TENM2: variants seen among roughly 807,000 people sequenced by gnomAD.
TENM2 encodes the protein teneurin-2.
In TENM2, 52 loss-of-function variants were observed where a neutral mutation model predicts 245.2. The observed-to-expected ratio is 0.21, with a 90% CI of 0.17 to 0.27. The LOEUF (loss-of-function observed/expected upper bound fraction) is 0.27, where lower values mean the gene tolerates loss of function less well. TENM2 is among the 10% of genes least tolerant of loss of function. TENM2 has a pLI of 1.00. For missense variants in TENM2, 3,046 were observed against 3,666.8 expected, an observed-to-expected ratio of 0.83 and a Z score of 4.37; for synonymous variants, 1,363 against 1,438.9, an observed-to-expected ratio of 0.95 and a Z score of 1.19.
Position 168,051,249 on chromosome 5 carries a change from T to G in TENM2, c.1309+3700T>G, listed in dbSNP as rs375469625. Among the ~76,000 whole-genome samples, 5 of 152,328 alleles carry G rather than the reference T, an allele frequency of 3.3e-5. No homozygotes were observed. In the South Asian group the frequency reaches 8.3e-4, roughly 25 times the overall value. On this transcript the variant is annotated intron_variant, in intron 6 of 28. Transcript: ENST00000518659. ...CCTATCACTCATTTTAGATTCAAGT[T>G]GTCCTCTATATCAGGGGTCAGCAAA...
chr5:167,522,402 T>C (rs1770823146), intron 2 of TENM2, among the ~76,000 whole-genome samples: 2 of 152,062 alleles, frequency 1.3e-5, no homozygotes, highest in Non-Finnish European at 2.9e-5. Flanking sequence ...TTGGATGAGA[T>C]GTGAAATGAG....
chr5:167,079,339 G>A, the TENM2 span, among the ~76,000 whole-genome samples: 1 of 149,022 alleles, frequency 6.7e-6, no homozygotes, highest in Non-Finnish European at 1.5e-5. Flanking sequence ...TTGAGACAGA[G>A]TTTTGCTCTT....
intron 12 of TENM2, chr5:168,129,585 T>C (rs1754383647): frequency 1.3e-5 from 2 of 152,212 alleles, no homozygotes; most frequent in Non-Finnish European, 2.9e-5. Context: ...CACTGTGGTT[T>C]TCTCAAAAAC....
intron 3 of TENM2, among the ~76,000 whole-genome samples, chr5:167,942,718 C>G (rs1308148081): frequency 1.3e-5 from 2 of 152,166 alleles, no homozygotes; most frequent in African/African-American, 4.8e-5. Context: ...TTCTACTCAT[C>G]ATTCATGCAA....
At chr5:167,346,323 G>T (rs995881303) in intron 1 of TENM2, among the ~76,000 whole-genome samples, 11 of 152,142 alleles carry the variant, frequency 7.2e-5, no homozygotes, top group African/African-American at 2.7e-4. Context: ...TTATCAGCAT[G>T]AGATAGCTCC....
chr5:167,929,065 GAA>G (rs541566819), intron 3 of TENM2, among the ~76,000 whole-genome samples: 3 of 4,928 alleles, frequency 6.1e-4, no homozygotes, highest in East Asian at 4.8e-3. Context: ...AAGAGAGAAA[GAA>G]AGAAAGAAAG....
intron 2 of TENM2, among the ~76,000 whole-genome samples, chr5:167,390,434 G>C (rs368153316): frequency 3.9e-5 from 6 of 152,076 alleles, no homozygotes; most frequent in Non-Finnish European, 7.4e-5. Context: ...AGACAGAATC[G>C]AGTAAATTAT....
chr5:167,529,554 C>A (rs1480740853), intron 2 of TENM2, among the ~76,000 whole-genome samples: 2 of 152,074 alleles, frequency 1.3e-5, no homozygotes, highest in Non-Finnish European at 2.9e-5. Flanking sequence ...ATATCTTAAG[C>A]CCAGAATGTC....
intron 12 of TENM2, among the ~76,000 whole-genome samples, chr5:168,140,545 C>T (rs1212844568): frequency 6.6e-6 from 1 of 152,168 alleles, no homozygotes; most frequent in Non-Finnish European, 1.5e-5. Context: ...CGTCTGTGTG[C>T]ATGCGTGTGT....
At chr5:168,025,022 A>G (rs894850531) in intron 5 of TENM2, among the ~76,000 whole-genome samples, 1 of 152,224 alleles carries the variant, frequency 6.6e-6, no homozygotes, top group East Asian at 1.9e-4. Context: ...TTGATTTCAG[A>G]TTCGTAAGGC....
At chr5:167,121,971 A>G in the TENM2 span, among the ~76,000 whole-genome samples, 1 of 152,226 alleles carries the variant, frequency 6.6e-6, no homozygotes, top group East Asian at 1.9e-4. Flanking sequence ...TGCGAAGCTC[A>G]TTTAAATCTT....
At chr5:167,071,316 A>G in the TENM2 span, among the ~76,000 whole-genome samples, 2 of 152,174 alleles carry the variant, frequency 1.3e-5, no homozygotes, top group African/African-American at 4.8e-5. Context: ...AAGTGAGTAA[A>G]CAGACTTGAT....
intron 1 of TENM2, among the ~76,000 whole-genome samples, chr5:167,355,577 T>G (rs1280493053): frequency 2.6e-5 from 4 of 152,146 alleles, no homozygotes; most frequent in Non-Finnish European, 5.9e-5. Flanking sequence ...CACAGCAATT[T>G]CCCTGGTGGT....
At chr5:166,996,933 C>T in the TENM2 span, among the ~76,000 whole-genome samples, 1 of 152,152 alleles carries the variant, frequency 6.6e-6, no homozygotes, top group African/African-American at 2.4e-5. Context: ...TCCAAATATA[C>T]ACACAGCAGT....
At chr5:167,841,968 T>C (rs1186055644) in intron 2 of TENM2, among the ~76,000 whole-genome samples, 2 of 152,166 alleles carry the variant, frequency 1.3e-5, no homozygotes, top group Non-Finnish European at 2.9e-5. Flanking sequence ...TCTCTCTATA[T>C]ATACACACAC....
Position 168,224,274 on chromosome 5 carries a change from C to T in TENM2, c.5109-1814C>T, listed in dbSNP as rs532936470. Among the ~76,000 whole-genome samples the T allele has an allele frequency of 2.6e-5, 4 of 152,312 alleles. No homozygotes were observed. In the East Asian group the frequency reaches 7.7e-4, roughly 29 times the overall value. On this transcript the variant is annotated intron_variant, in intron 23 of 28. Coordinates refer to ENST00000518659, the Ensembl canonical transcript of TENM2. The stretch of plus-strand genomic sequence containing the variant: ...AGGGAGTGCATGGTCTGCGCCACCC[C>T]ATGCCTGGGGCCCTGGGCGAGTGAT...
chr5:168,075,453 A>T (rs894237487), intron 7 of TENM2, among the ~76,000 whole-genome samples: 1 of 152,164 alleles, frequency 6.6e-6, no homozygotes, highest in Non-Finnish European at 1.5e-5. Context: ...TGAAAACTGT[A>T]TCCACCTCAG....
At chr5:167,935,196 C>T (rs902248966) in intron 3 of TENM2, among the ~76,000 whole-genome samples, 1 of 152,094 alleles carries the variant, frequency 6.6e-6, no homozygotes, top group Non-Finnish European at 1.5e-5. Context: ...CTGTCAGTGC[C>T]GATGGCACTC....
At chr5:167,010,688 C>G in the TENM2 span, among the ~76,000 whole-genome samples, 2 of 152,122 alleles carry the variant, frequency 1.3e-5, no homozygotes, top group Admixed American at 6.5e-5. Context: ...ATGGTGTTTT[C>G]CATTTCTTCC....
Sources: gnomAD v4.1 joint callset for allele counts (sites outside exome capture counted in the v4.1 genomes callset) on GRCh38, gnomAD v4.1.1 for gene constraint, MANE v1.5 for transcripts, NCBI Gene and HGNC (gene_info 2026-07-23, HGNC 2026-07-21) for gene names.